IMPG1: variants seen among roughly 807,000 people sequenced by gnomAD.
The protein encoded by IMPG1 is interphotoreceptor matrix proteoglycan 1.
Under a neutral mutation model 92.0 loss-of-function variants are expected in IMPG1, and 85 were observed. That is an observed-to-expected ratio of 0.92 (90% CI 0.78 to 1.11). The LOEUF (loss-of-function observed/expected upper bound fraction) is 1.11. Ranked by LOEUF, IMPG1 falls within the 50% of genes least tolerant of loss-of-function variation. The pLI is 0.00. For synonymous variants in IMPG1, 367 were observed against 334.1 expected (o/e 1.10, Z -1.08); for missense variants, 1,022 against 956.0 (o/e 1.07, Z -0.91).
Position 76,070,195 on chromosome 6 carries a change from G to A in IMPG1, c.67+2227C>T, listed in dbSNP as rs189209802. Reference sequence around the variant, plus strand: ...CATGAACAGATATTTTGCAAAAGGAGACATACAAATGGCCAACAAACATAT... The same window carrying A: ...CATGAACAGATATTTTGCAAAAGGAAACATACAAATGGCCAACAAACATAT... On this transcript the variant is annotated intron_variant, in intron 1 of 16. Transcript: ENST00000369950. Among the ~76,000 whole-genome samples, 634 of 152,204 alleles carry A rather than the reference G, an allele frequency of 4.2e-3. 6 individuals carry two copies. Among genetic ancestry groups the A allele is most frequent in the African/African-American group, 0.015 (603 of 41,554 alleles).
chr6:75,945,614 G>A (rs574848564), intron 14 of IMPG1, among the ~76,000 whole-genome samples: 4 of 152,266 alleles, frequency 2.6e-5, no homozygotes, highest in South Asian at 2.1e-4. Context: ...GCCTCCCAAA[G>A]TGCTGGGATT....
chr6:75,954,222 C>A (rs1378790210), intron 12 of IMPG1, among the ~76,000 whole-genome samples: 1 of 152,160 alleles, frequency 6.6e-6, no homozygotes, highest in Non-Finnish European at 1.5e-5. Flanking sequence ...GATTTACACT[C>A]CCACCAATAG....
At chr6:76,026,734 C>A (rs968565065) in intron 4 of IMPG1, among the ~76,000 whole-genome samples, 4 of 152,160 alleles carry the variant, frequency 2.6e-5, no homozygotes, top group Non-Finnish European at 5.9e-5. Flanking sequence ...CTCTTCTCCA[C>A]CCTGTCTGCA....
intron 14 of IMPG1, among the ~76,000 whole-genome samples, chr6:75,933,733 G>A (rs1781698033): frequency 6.6e-6 from 1 of 152,180 alleles, no homozygotes; most frequent in African/African-American, 2.4e-5. Flanking sequence ...TGACCCTGGG[G>A]ATCATGACCC....
chr6:75,939,762 A>C (rs1309052860), intron 14 of IMPG1, among the ~76,000 whole-genome samples: 1 of 152,122 alleles, frequency 6.6e-6, no homozygotes, highest in African/African-American at 2.4e-5. Flanking sequence ...CATCCCTTTA[A>C]AATGTAAACC....
chr6:76,060,598 T>G (rs940717743), intron 1 of IMPG1, among the ~76,000 whole-genome samples: 1 of 152,202 alleles, frequency 6.6e-6, no homozygotes, highest in African/African-American at 2.4e-5. Context: ...TAGCCTTGGA[T>G]GAAATGATCT....
At chr6:76,069,463 G>A (rs1278716926) in intron 1 of IMPG1, among the ~76,000 whole-genome samples, 1 of 152,036 alleles carries the variant, frequency 6.6e-6, no homozygotes, top group Non-Finnish European at 1.5e-5. Context: ...GAAAATATTG[G>A]CAAATTATGT....
chr6:75,962,850 G>A (rs752856764), intron 12 of IMPG1, among the ~76,000 whole-genome samples: 4 of 152,050 alleles, frequency 2.6e-5, no homozygotes, highest in East Asian at 1.9e-4. Flanking sequence ...AGACCAGCCC[G>A]GCCAACATGG....
chr6:76,015,800 C>CAAAA (rs35389302), intron 7 of IMPG1, among the ~76,000 whole-genome samples: 77 of 66,554 alleles, frequency 1.2e-3, no homozygotes, highest in Non-Finnish European at 1.4e-3. Context: ...AACTCTGTCT[C>CAAAA]AAAAAAAAAA....
chr6:76,041,659 T>C (rs1477757696), intron 2 of IMPG1, among the ~76,000 whole-genome samples: 1 of 152,216 alleles, frequency 6.6e-6, no homozygotes, highest in Non-Finnish European at 1.5e-5. Flanking sequence ...GATTTCTAAA[T>C]GCCCTATTGG....
At chr6:75,940,682 C>T (rs188710614) in intron 14 of IMPG1, among the ~76,000 whole-genome samples, 7 of 152,220 alleles carry the variant, frequency 4.6e-5, no homozygotes, top group East Asian at 1.9e-4. Context: ...ATAGATTTGA[C>T]GGGCATTTTT....
intron 12 of IMPG1, among the ~76,000 whole-genome samples, chr6:75,955,306 T>C (rs1782098792): frequency 6.6e-6 from 1 of 152,202 alleles, no homozygotes; most frequent in African/African-American, 2.4e-5. Flanking sequence ...TGGTTTATAG[T>C]TCACCTTGAA....
At position 76,051,974 on chromosome 6, in the gene IMPG1, C is replaced by T. The variant is rs546721455; in HGVS notation, c.68-9848G>A. Among the ~76,000 whole-genome samples the T allele has an allele frequency of 1.4e-3, 216 of 150,874 alleles. 1 individual carries two copies. Among genetic ancestry groups the T allele is most frequent in the Middle Eastern group, 3.4e-3 (1 of 294 alleles). On this transcript the variant is annotated intron_variant, in intron 1 of 16. Coordinates refer to ENST00000369950, the MANE Select transcript of IMPG1 (RefSeq NM_001563.4). Reference sequence around the variant, plus strand: ...ATGTACTGAGCCCTACCTCATTGCACACACACAAGAAAAAAAAAAAGAAAG... The same window carrying T: ...ATGTACTGAGCCCTACCTCATTGCATACACACAAGAAAAAAAAAAAGAAAG...
intron 12 of IMPG1, among the ~76,000 whole-genome samples, chr6:75,958,294 C>T (rs1582066954): frequency 6.6e-6 from 1 of 152,190 alleles, no homozygotes; most frequent in Non-Finnish European, 1.5e-5. Flanking sequence ...ATAACCCAAC[C>T]TTTCTCTCTG....
intron 5 of IMPG1, among the ~76,000 whole-genome samples, chr6:76,024,674 A>C (rs1194010129): frequency 6.6e-6 from 1 of 152,184 alleles, no homozygotes; most frequent in Non-Finnish European, 1.5e-5. Context: ...ATTTTGAGAA[A>C]TTAGTGATTT....
intron 1 of IMPG1, among the ~76,000 whole-genome samples, chr6:76,067,477 G>C (rs559631157): frequency 6.6e-6 from 1 of 151,954 alleles, no homozygotes; most frequent in Admixed American, 6.6e-5. Context: ...ACTTCTCAAG[G>C]TTGAACCAGG....
rs140827081 is a variant in IMPG1 at position 76,021,778 on chromosome 6, C to CATATATATATATATATATATATATATAT, written c.666+337_666+338insATATATATATATATATATATATATATAT. 2.6e-4 allele frequency among the ~76,000 whole-genome samples: 13 copies of CATATATATATATATATATATATATATAT among 49,490 alleles called. 1 individual carries two copies. Among genetic ancestry groups the CATATATATATATATATATATATATATAT allele is most frequent in the Non-Finnish European group, 3.7e-4 (10 of 27,304 alleles). The allele number at this position is 49,490 out of a possible 152,430, so 32.5% of individuals were successfully genotyped here. A position where few individuals can be genotyped will look rare whatever the true frequency, so the allele number is the denominator to read the frequency against. On this transcript the variant is annotated intron_variant, in intron 6 of 16. Coordinates refer to ENST00000369950, the MANE Select transcript of IMPG1 (RefSeq NM_001563.4). ...TTCATTCATTCTAACACTTGGAGAGCATATATATATATATATATATATATG... is the reference window on the plus strand; with the variant it reads ...TTCATTCATTCTAACACTTGGAGAGCATATATATATATATATATATATATATATATATATATATATATATATATATATG...
In IMPG1 at chr6:75,921,896, T is replaced by G. The variant is rs1781436926; in HGVS notation, c.*193A>C. On this transcript the variant is annotated 3_prime_UTR_variant, in exon 17 of 17. Coordinates refer to ENST00000369950, the MANE Select transcript of IMPG1 (RefSeq NM_001563.4). ...TTGGGGTTTTAATAATAAGTAAGTG[T>G]CTTTTTCTTCAGAATTTACTGGTTG... The G allele has an allele frequency of 2.4e-6, 1 of 425,290 alleles. No homozygotes were observed. Among genetic ancestry groups the G allele is most frequent in the Admixed American group, 4.7e-5 (1 of 21,408 alleles). The allele number at this position is 425,290 out of a possible 1,614,324, so 26.3% of individuals were successfully genotyped here. A position where few individuals can be genotyped will look rare whatever the true frequency, so the allele number is the denominator to read the frequency against.
In IMPG1 at chr6:76,034,457, A is replaced by G. The variant is rs1783701029; in HGVS notation, c.469-114T>C. 12 of 1,218,202 alleles carry G rather than the reference A, an allele frequency of 9.9e-6. No homozygotes were observed. In the South Asian group the frequency reaches 1.5e-4, roughly 15 times the overall value. 75.5% of individuals were successfully genotyped at this position (1,218,202 alleles called of 1,614,324 possible). A position where few individuals can be genotyped will look rare whatever the true frequency, so the allele number is the denominator to read the frequency against. ...ACCTACACTTCAACCTGACTGTACC[A>G]TATTATTTTGCAAGAATAAAATTTC... On this transcript the variant is annotated intron_variant, in intron 3 of 16. Coordinates refer to ENST00000369950, the MANE Select transcript of IMPG1 (RefSeq NM_001563.4).
Sources: allele counts gnomAD v4.1 joint callset (sites outside exome capture counted in the v4.1 genomes callset), GRCh38; gene constraint gnomAD v4.1.1; transcripts MANE v1.5; gene names NCBI Gene and HGNC (gene_info 2026-07-23, HGNC 2026-07-21).